Variants in NALF1 observed in about 807,000 individuals in gnomAD.
The protein encoded by NALF1 is family with sequence similarity 155 member A.
In NALF1, 3 loss-of-function variants were observed where a neutral mutation model predicts 48.4. The ratio of observed to expected loss-of-function variants is 0.06; its 90% confidence interval spans 0.03 to 0.16. The LOEUF (loss-of-function observed/expected upper bound fraction) is 0.16. Ranked by LOEUF, NALF1 falls within the 10% of genes least tolerant of loss-of-function variation. The pLI is 1.00. For missense variants in NALF1, 526 were observed against 571.5 expected (o/e 0.92, Z 0.81); for synonymous variants, 262 against 245.7 (o/e 1.07, Z -0.62).
intron 1 of NALF1, among the ~76,000 whole-genome samples, chr13:107,259,461 T>TC (rs1259569068): frequency 6.6e-6 from 1 of 152,152 alleles, no homozygotes; most frequent in Non-Finnish European, 1.5e-5. Context: ...GATTTGTCTG[T>TC]CCCCTGAGCC....
At chr13:107,373,893 C>A (rs1485649623) in intron 1 of NALF1, among the ~76,000 whole-genome samples, 3 of 152,144 alleles carry the variant, frequency 2.0e-5, no homozygotes, top group Non-Finnish European at 4.4e-5. Flanking sequence ...GAGCAAGTTA[C>A]ATTCATTGAA....
intron 1 of NALF1, among the ~76,000 whole-genome samples, chr13:107,547,135 A>C (rs1240269919): frequency 2.0e-5 from 3 of 152,230 alleles, no homozygotes; most frequent in Non-Finnish European, 4.4e-5. Flanking sequence ...TAATCATCAC[A>C]ATATATAAAC....
At chr13:107,678,806 C>T (rs761102995) in intron 1 of NALF1, among the ~76,000 whole-genome samples, 31 of 152,238 alleles carry the variant, frequency 2.0e-4, no homozygotes, top group South Asian at 1.2e-3. Context: ...CTCACTATCA[C>T]GAGAACAGCA....
chr13:107,423,770 C>G, intron 1 of NALF1, among the ~76,000 whole-genome samples: 1 of 152,006 alleles, frequency 6.6e-6, no homozygotes, highest in East Asian at 1.9e-4. Context: ...TCTTGGAGAC[C>G]AAAAAGCATT....
At chr13:107,688,913 AG>A (rs1189179778) in intron 1 of NALF1, among the ~76,000 whole-genome samples, 1 of 152,208 alleles carries the variant, frequency 6.6e-6, no homozygotes, top group Non-Finnish European at 1.5e-5. Context: ...TGCAGACAAG[AG>A]TCTCGAAACG....
intron 1 of NALF1, among the ~76,000 whole-genome samples, chr13:107,841,960 C>T (rs983865215): frequency 6.6e-6 from 1 of 151,830 alleles, no homozygotes; most frequent in Admixed American, 6.6e-5. Context: ...TGAGTAGCCA[C>T]ATATTAAAAA....
Position 107,866,299 on chromosome 13 carries a change from C to CCTG in NALF1, c.295_297dup (p.Gln99dup). ...GCCAGGAGCGCGGGCCAGGAGGGCTCCTGCTGCCGCCGCTGCTGCTGCTGC... is the reference window on the plus strand; with the variant it reads ...GCCAGGAGCGCGGGCCAGGAGGGCTCCTGCTGCTGCCGCCGCTGCTGCTGCTGC... On this transcript the variant is annotated inframe_insertion, in exon 1 of 3. Coordinates refer to ENST00000375915, the MANE Select transcript of NALF1 (RefSeq NM_001080396.3). This position sits in a 1 kb window ranked among gnomAD's most constrained non-coding sequence, Gnocchi z 4.4. The CCTG allele has an allele frequency of 6.2e-7, 1 of 1,605,846 alleles. No homozygotes were observed. The highest frequency in any genetic ancestry group is 8.5e-7 in the Non-Finnish European group (1 of 1,178,174).
At chr13:107,400,905 T>C (rs1232971238) in intron 1 of NALF1, among the ~76,000 whole-genome samples, 1 of 152,046 alleles carries the variant, frequency 6.6e-6, no homozygotes, top group African/African-American at 2.4e-5. Context: ...AGATCCCACA[T>C]ACACACTTTT....
At position 107,459,228 on chromosome 13, in the gene NALF1, C is replaced by T. The variant is rs371096361; in HGVS notation, c.916-248473G>A. Among the ~76,000 whole-genome samples, 17 of 152,050 alleles carry T rather than the reference C, an allele frequency of 1.1e-4. 1 individual carries two copies. Among genetic ancestry groups the T allele is most frequent in the African/African-American group, 3.6e-4 (15 of 41,404 alleles). ...CATAAAACCCAGGAAAAGAAAACAACGAACCCAATGAAAATAGGGGTTTTT... is the reference window on the plus strand; with the variant it reads ...CATAAAACCCAGGAAAAGAAAACAATGAACCCAATGAAAATAGGGGTTTTT... On this transcript the variant is annotated intron_variant, in intron 1 of 2. Coordinates refer to ENST00000375915, the MANE Select transcript of NALF1 (RefSeq NM_001080396.3).
At position 107,584,814 on chromosome 13, in the gene NALF1, A is replaced by G. The variant is rs9559074; in HGVS notation, c.915+280868T>C. On this transcript the variant is annotated intron_variant, in intron 1 of 2. Transcript: ENST00000375915. ...AGGCTGGGTGGCCATATCTGCTCAC[A>G]CTTTCCTCCCAACACAGTCCTTCAG... Among the ~76,000 whole-genome samples, 3,363 of 152,140 alleles carry G rather than the reference A, an allele frequency of 0.022. 216 individuals are homozygous for G. The East Asian group carries it at 0.26, about 12-fold the overall frequency.
At chr13:107,538,030 A>C (rs549638160) in intron 1 of NALF1, among the ~76,000 whole-genome samples, 24 of 152,148 alleles carry the variant, frequency 1.6e-4, no homozygotes, top group African/African-American at 3.9e-4. Context: ...CAACAACAAC[A>C]ACCACCATCA....
At chr13:107,315,472 C>T (rs955974914) in intron 1 of NALF1, among the ~76,000 whole-genome samples, 2 of 152,046 alleles carry the variant, frequency 1.3e-5, no homozygotes, top group Non-Finnish European at 2.9e-5. Context: ...CTATAATCTA[C>T]CTTCAGTGCT....
intron 1 of NALF1, among the ~76,000 whole-genome samples, chr13:107,355,733 T>C (rs9559016): frequency 0.2 from 29,681 of 152,094 alleles, 3,105 homozygotes; most frequent in East Asian, 0.36. Context: ...TCCCCAGCCA[T>C]GCTTTCTGTA....
intron 1 of NALF1, among the ~76,000 whole-genome samples, chr13:107,704,552 A>C (rs924495980): frequency 1.3e-5 from 2 of 152,048 alleles, no homozygotes; most frequent in Non-Finnish European, 2.9e-5. Context: ...GTACCTCACA[A>C]TGCAATAGTG....
intron 2 of NALF1, among the ~76,000 whole-genome samples, chr13:107,201,596 G>GAA: frequency 6.6e-6 from 1 of 150,886 alleles, no homozygotes. Flanking sequence ...AAAAAAGAAA[G>GAA]AAAAAAAAAT....
chr13:107,501,556 T>C (rs891159758), intron 1 of NALF1, among the ~76,000 whole-genome samples: 1 of 152,154 alleles, frequency 6.6e-6, no homozygotes, highest in Non-Finnish European at 1.5e-5. Flanking sequence ...AGGTAAACGG[T>C]ATTTCATGCA....
chr13:107,636,114 C>G (rs570164060), intron 1 of NALF1, among the ~76,000 whole-genome samples: 2 of 152,140 alleles, frequency 1.3e-5, no homozygotes, highest in South Asian at 4.2e-4. Flanking sequence ...TTTGCACCAG[C>G]CTGCCCTCAT....
At chr13:107,171,294 A>G (rs1342924927) in intron 2 of NALF1, among the ~76,000 whole-genome samples, 1 of 152,228 alleles carries the variant, frequency 6.6e-6, no homozygotes, top group Non-Finnish European at 1.5e-5. Context: ...AGAATGGGCA[A>G]AACCATCTAT....
At chr13:107,691,739 TAGTC>T (rs1881573663) in intron 1 of NALF1, among the ~76,000 whole-genome samples, 1 of 152,118 alleles carries the variant, frequency 6.6e-6, no homozygotes, top group Non-Finnish European at 1.5e-5. Flanking sequence ...ATAAAAATAA[TAGTC>T]AAGAAGAGTC....
Sources: gnomAD v4.1 joint callset for allele counts (sites outside exome capture counted in the v4.1 genomes callset) on GRCh38, gnomAD v4.1.1 for gene constraint, Gnocchi (gnomAD v3.1) non-coding constraint, MANE v1.5 for transcripts, NCBI Gene and HGNC (gene_info 2026-07-23, HGNC 2026-07-21) for gene names.